The following CEP128 variants were observed in gnomAD, a reference collection of about 807,000 sequenced individuals.
CEP128 encodes the protein centrosomal protein 128kDa.
In CEP128, 132 loss-of-function variants were observed where a neutral mutation model predicts 156.7. The ratio of observed to expected loss-of-function variants is 0.84; its 90% CI spans 0.73 to 0.97. The LOEUF is 0.97. CEP128 is among the 50% of genes least tolerant of loss of function. The pLI, the probability that CEP128 is intolerant of heterozygous loss-of-function variation, is 0.00. For missense variants in CEP128, 1,252 were observed against 1,281.9 expected (o/e 0.98, Z 0.36); for synonymous variants, 469 against 448.9 (o/e 1.04, Z -0.57).
intron 12 of CEP128, among the ~76,000 whole-genome samples, chr14:80,834,146 T>C (rs529066503): frequency 4.9e-4 from 74 of 152,160 alleles, no homozygotes; most frequent in African/African-American, 1.6e-3. Flanking sequence ...GCAGACATAC[T>C]AAGTAACAAA....
intron 2 of CEP128, among the ~76,000 whole-genome samples, chr14:80,954,626 C>A (rs568969426): frequency 6.6e-6 from 1 of 152,218 alleles, no homozygotes; most frequent in Non-Finnish European, 1.5e-5. Context: ...TAGCCAAGTT[C>A]ATATAAAAGG....
chr14:80,751,739 C>T lies in CEP128; in HGVS notation c.2613+5153G>A, dbSNP rs189088835. Among the ~76,000 whole-genome samples the T allele has an allele frequency of 8.2e-3, 1,236 of 151,654 alleles. 15 individuals carry two copies. Among genetic ancestry groups the T allele is most frequent in the Non-Finnish European group, 0.01 (681 of 67,964 alleles). On this transcript the variant is annotated intron_variant, in intron 18 of 24. Transcript: ENST00000555265. The stretch of plus-strand genomic sequence containing the variant: ...TTGCCTCCTGGGTTGAAGCGATTCT[C>T]CTGCCTCAGCAACCGAAGTAGCTGG...
At chr14:80,627,623 TA>T (rs1189446405) in intron 19 of CEP128, among the ~76,000 whole-genome samples, 1 of 152,032 alleles carries the variant, frequency 6.6e-6, no homozygotes, top group Non-Finnish European at 1.5e-5. Flanking sequence ...AGATTGTACA[TA>T]AGAGAAATAT....
intron 19 of CEP128, among the ~76,000 whole-genome samples, chr14:80,605,410 A>T (rs1420773146): frequency 6.6e-6 from 1 of 152,124 alleles, no homozygotes; most frequent in African/African-American, 2.4e-5. Flanking sequence ...AAGACATGTG[A>T]CAAATTCATT....
intron 19 of CEP128, among the ~76,000 whole-genome samples, chr14:80,664,467 C>T (rs531926049): frequency 6.7e-6 from 1 of 148,296 alleles, no homozygotes; most frequent in South Asian, 2.1e-4. Flanking sequence ...AAAGAGGTCA[C>T]AAAGCAGAGA....
At chr14:80,504,841 A>C in intron 24 of CEP128, 71 bp downstream of exon 24, 1 of 729,306 alleles carries the variant, frequency 1.4e-6, no homozygotes, top group African/African-American at 1.8e-5. Flanking sequence ...TACTGGCCTT[A>C]AACTAATTTT....
intron 14 of CEP128, 76 bp downstream of exon 14, chr14:80,792,684 G>T: frequency 8.8e-7 from 1 of 1,137,896 alleles, no homozygotes; most frequent in South Asian, 1.4e-5. Flanking sequence ...TGGCACTCAA[G>T]TGTTTTTTCA....
chr14:80,950,231 C>T (rs1221896988), intron 2 of CEP128, among the ~76,000 whole-genome samples: 3 of 152,100 alleles, frequency 2.0e-5, no homozygotes, highest in Non-Finnish European at 4.4e-5. Flanking sequence ...AACATCCACC[C>T]ACAGAACTCT....
At chr14:80,779,222 T>C (rs1329579427) in intron 15 of CEP128, among the ~76,000 whole-genome samples, 1 of 152,212 alleles carries the variant, frequency 6.6e-6, no homozygotes, top group Admixed American at 6.5e-5. Context: ...TTTATTTTTA[T>C]AAGTTTATCA....
intron 13 of CEP128, among the ~76,000 whole-genome samples, chr14:80,805,364 T>C (rs1384945443): frequency 1.3e-5 from 2 of 151,498 alleles, no homozygotes; most frequent in African/African-American, 2.4e-5. Context: ...TGTTCTGTAG[T>C]GGATCTCGCC....
At chr14:80,770,006 C>T (rs1227767631) in intron 16 of CEP128, among the ~76,000 whole-genome samples, 2 of 152,148 alleles carry the variant, frequency 1.3e-5, no homozygotes, top group Admixed American at 1.3e-4. Flanking sequence ...TAGCCTGATA[C>T]CCACACTACA....
intron 3 of CEP128, among the ~76,000 whole-genome samples, chr14:80,916,018 G>A (rs965184516): frequency 3.3e-5 from 5 of 152,168 alleles, no homozygotes; most frequent in Admixed American, 1.3e-4. Context: ...ATAAACATCC[G>A]TAAAAGAGGA....
chr14:80,527,430 A>C (rs11159467), intron 22 of CEP128, among the ~76,000 whole-genome samples: 2 of 141,764 alleles, frequency 1.4e-5, no homozygotes, highest in Non-Finnish European at 3.1e-5. Flanking sequence ...GGCTCTGTCT[A>C]AAAAAAAAAA....
chr14:80,848,742 G>A (rs1443436448), intron 9 of CEP128, among the ~76,000 whole-genome samples: 1 of 151,820 alleles, frequency 6.6e-6, no homozygotes, highest in East Asian at 1.9e-4. Flanking sequence ...CCAGATCAGA[G>A]GGGATCTATT....
At chr14:80,711,279 G>A (rs938295290) in intron 19 of CEP128, among the ~76,000 whole-genome samples, 1 of 147,744 alleles carries the variant, frequency 6.8e-6, no homozygotes, top group African/African-American at 2.5e-5. Context: ...TCTAAAGACT[G>A]ACATATAAGA....
chr14:80,788,288 C>CTTTTTTTTTTTTTTTTTTTTTTTTTT (rs10628361), intron 14 of CEP128, among the ~76,000 whole-genome samples: 1 of 97,258 alleles, frequency 1.0e-5, no homozygotes. Flanking sequence ...TGGCCAGGAT[C>CTTTTTTTTTTTTTTTTTTTTTTTTTT]TTTTTTTTTT....
At chr14:80,632,689 T>A (rs1314066888) in intron 19 of CEP128, among the ~76,000 whole-genome samples, 2 of 152,058 alleles carry the variant, frequency 1.3e-5, no homozygotes, top group African/African-American at 4.8e-5. Context: ...GGCATGTGGG[T>A]CATTTCCAAT....
chr14:80,839,069 A>C (rs985828321), intron 10 of CEP128, among the ~76,000 whole-genome samples: 4 of 152,206 alleles, frequency 2.6e-5, no homozygotes. Flanking sequence ...ACTGCACTCC[A>C]GCCTGGGCAA....
At position 80,722,600 on chromosome 14, in the gene CEP128, A is replaced by C. The variant is rs563664116; in HGVS notation, c.2806+20475T>G. ...CCGTTTTCAAGCTGAGAAAAGAAAA[A>C]ATGTTTATTGAAGCATTTAACAGCT... On this transcript the variant is annotated intron_variant, in intron 19 of 24. Coordinates refer to ENST00000555265, the MANE Select transcript of CEP128 (RefSeq NM_152446.5). Among the ~76,000 whole-genome samples the C allele has an allele frequency of 2.0e-5, 3 of 151,774 alleles. No individual in the cohort carries two copies. In the South Asian group the frequency reaches 6.2e-4, roughly 32 times the overall value.
Sources: allele counts gnomAD v4.1 joint callset (sites outside exome capture counted in the v4.1 genomes callset), GRCh38; gene constraint gnomAD v4.1.1; transcripts MANE v1.5; gene names NCBI Gene and HGNC (gene_info 2026-07-23, HGNC 2026-07-21).